Variants in SFXN4 observed in about 807,000 individuals in gnomAD.
SFXN4 encodes sideroflexin-4.
In SFXN4, 48 loss-of-function variants were observed where a neutral mutation model predicts 54.6. The observed-to-expected ratio is 0.88, with a 90% CI of 0.70 to 1.12. The LOEUF is 1.12. Among genes scored for constraint, SFXN4 ranks in the 50% most tolerant of loss-of-function variants. The pLI is 0.00. For missense variants in SFXN4, 383 were observed against 409.2 expected, an observed-to-expected ratio of 0.94 and a Z score of 0.55; for synonymous variants, 130 against 145.5, an observed-to-expected ratio of 0.89 and a Z score of 0.77.
intron 11 of SFXN4, among the ~76,000 whole-genome samples, chr10:119,152,782 T>C (rs1847122725): frequency 6.6e-6 from 1 of 152,066 alleles, no homozygotes. Context: ...TATTTACCGA[T>C]GGAATGAACA....
At chr10:119,159,859 G>A (rs1847445469) in intron 5 of SFXN4, 106 bp from the exon 6 acceptor site, 2 of 1,208,310 alleles carry the variant, frequency 1.7e-6, no homozygotes, top group Non-Finnish European at 2.5e-6. Flanking sequence ...CTTCCAGAAG[G>A]CACAGACCTC....
intron 11 of SFXN4, among the ~76,000 whole-genome samples, chr10:119,150,784 G>A (rs1847035182): frequency 6.6e-6 from 1 of 152,146 alleles, no homozygotes; most frequent in African/African-American, 2.4e-5. Flanking sequence ...ATGGAGTTGT[G>A]GAGAAATACA....
At chr10:119,156,606 G>A in intron 10 of SFXN4, 72 bp downstream of exon 10, 1 of 1,204,004 alleles carries the variant, frequency 8.3e-7, no homozygotes, top group Non-Finnish European at 1.2e-6. Flanking sequence ...AGGTGCCTCT[G>A]GAGATGAAGG....
intron 6 of SFXN4, among the ~76,000 whole-genome samples, chr10:119,158,952 C>T (rs925099559): frequency 4.6e-5 from 7 of 152,162 alleles, no homozygotes; most frequent in Admixed American, 4.6e-4. Context: ...CACTGCACTC[C>T]AGCCTGGGCA....
intron 2 of SFXN4, among the ~76,000 whole-genome samples, 199 bp downstream of exon 2, chr10:119,163,932 C>T (rs1390004213): frequency 3.3e-5 from 5 of 150,222 alleles, no homozygotes; most frequent in Non-Finnish European, 5.9e-5. Context: ...CCCAGCTACT[C>T]GGAAGGCTGA....
intron 13 of SFXN4, among the ~76,000 whole-genome samples, chr10:119,143,113 A>G (rs774998793): frequency 2.0e-5 from 3 of 151,194 alleles, no homozygotes; most frequent in Non-Finnish European, 4.4e-5. Context: ...TCCTGCCTCC[A>G]CTCTGGCCTC....
At chr10:119,151,918 G>T (rs1317354141) in intron 11 of SFXN4, among the ~76,000 whole-genome samples, 1 of 152,076 alleles carries the variant, frequency 6.6e-6, no homozygotes. Context: ...AGGCTCAGTT[G>T]ATCCTCTCAC....
chr10:119,142,942 C>G (rs1164579011), intron 13 of SFXN4, among the ~76,000 whole-genome samples: 1 of 151,810 alleles, frequency 6.6e-6, no homozygotes, highest in Non-Finnish European at 1.5e-5. Context: ...CTGTGTTAGC[C>G]AGGATGGTCT....
chr10:119,147,808 A>C lies in SFXN4; in HGVS notation c.785T>G (p.Leu262Arg), dbSNP rs967291372. 1 of 1,614,038 alleles carries C rather than the reference A, an allele frequency of 6.2e-7. No individual in the cohort carries two copies. The highest frequency in any genetic ancestry group is 1.3e-5 in the African/African-American group (1 of 74,938). Reference sequence around the variant, plus strand: ...AAAGTAGGTGAAGACTTCAGGAATCAGAGCTGAGGTCCCAAACAGCACTAT... The same window carrying C: ...AAAGTAGGTGAAGACTTCAGGAATCCGAGCTGAGGTCCCAAACAGCACTAT... ...SRIVLFGTSA[L>R]IPEVFTYFFK... is the part of the protein sequence containing the mutation. Residue 262 changes from leucine to arginine, a missense_variant, in exon 12 of 14, where the codon CTG becomes CGG. Transcript: ENST00000355697.
rs1564814749 is a variant in SFXN4 at position 119,146,463 on chromosome 10, A to ATGTGTGTGTG, written c.819-111_819-110insCACACACACA. The ATGTGTGTGTG allele has an allele frequency of 7.6e-6, 4 of 526,478 alleles. No individual in the cohort carries two copies. In the African/African-American group the frequency reaches 1.1e-4, roughly 14 times the overall value. 32.6% of individuals were successfully genotyped at this position (526,478 alleles called of 1,614,324 possible). A position where few individuals can be genotyped will look rare whatever the true frequency, so the allele number is the denominator to read the frequency against. ...TGTGTGTGTGTGTGTGTGTGTGTGC[A>ATGTGTGTGTG]CGTGTGTGTGTACCTGAACACCTGG... On this transcript the variant is annotated intron_variant, in intron 12 of 13. Transcript: ENST00000355697.
chr10:119,142,266 G>A (rs1179362624), intron 13 of SFXN4, among the ~76,000 whole-genome samples: 1 of 151,986 alleles, frequency 6.6e-6, no homozygotes, highest in East Asian at 1.9e-4. Context: ...TGCTCACTCA[G>A]GAATCACTAT....
At chr10:119,144,647 A>G (rs1414129383) in intron 13 of SFXN4, among the ~76,000 whole-genome samples, 1 of 152,194 alleles carries the variant, frequency 6.6e-6, no homozygotes, top group African/African-American at 2.4e-5. Flanking sequence ...AACAGATAAG[A>G]AAACTAAGCA....
In SFXN4 at chr10:119,165,575, T is replaced by C. The variant is rs1480484456; in HGVS notation, c.73A>G (p.Ile25Val). 1 of 1,593,488 alleles carries C rather than the reference T, an allele frequency of 6.3e-7. No individual in the cohort carries two copies. Among genetic ancestry groups the C allele is most frequent in the African/African-American group, 1.4e-5 (1 of 72,206 alleles). ...ATCCAGAAGCGCACGTTGGGCTCAATGAAGGCGGGGACGGCGTCTCTGCGT... is the reference window on the plus strand; with the variant it reads ...ATCCAGAAGCGCACGTTGGGCTCAACGAAGGCGGGGACGGCGTCTCTGCGT... ...LGRRDAVPAF[I>V]EPNVRFWITE... The change falls in exon 1 of 14, where the codon ATT (isoleucine) becomes GTT (valine). Residue 25 changes from isoleucine to valine, a missense_variant. By Grantham distance (29) the Ile-to-Val change is conservative (BLOSUM62 3). Coordinates refer to ENST00000355697, the MANE Select transcript of SFXN4 (RefSeq NM_213649.2).
At chr10:119,142,013 G>A (rs1846548238) in intron 13 of SFXN4, among the ~76,000 whole-genome samples, 1 of 151,978 alleles carries the variant, frequency 6.6e-6, no homozygotes, top group Non-Finnish European at 1.5e-5. Context: ...ATCAGCCTGG[G>A]CAATATAGTG....
At chr10:119,142,978 C>T (rs183744032) in intron 13 of SFXN4, among the ~76,000 whole-genome samples, 1,717 of 152,022 alleles carry the variant, frequency 0.011, 38 homozygotes, top group African/African-American at 0.039. Context: ...GTGATCCGCC[C>T]GCCTCGGCCT....
chr10:119,146,523 T>G (rs1331967187), intron 12 of SFXN4, among the ~76,000 whole-genome samples, 170 bp from the exon 13 acceptor site: 1 of 151,886 alleles, frequency 6.6e-6, no homozygotes. Flanking sequence ...TTGTTGTACC[T>G]GAACAGCTAG....
chr10:119,155,570 G>A (rs890023269), intron 10 of SFXN4, among the ~76,000 whole-genome samples: 2 of 152,000 alleles, frequency 1.3e-5, no homozygotes, highest in Non-Finnish European at 2.9e-5. Flanking sequence ...TCAGCTCACT[G>A]CAACCTCCGC....
In SFXN4 at chr10:119,154,925, A is replaced by C; in HGVS notation, c.732+137T>G. 3.2e-6 allele frequency: 2 copies of C among 625,620 alleles called. 1 individual carries two copies. Among genetic ancestry groups the C allele is most frequent in the South Asian group, 4.0e-5 (2 of 49,718 alleles). 38.8% of individuals were successfully genotyped at this position (625,620 alleles called of 1,614,324 possible). A position where few individuals can be genotyped will look rare whatever the true frequency, so the allele number is the denominator to read the frequency against. ...ATCTTATCAGGGGGCAAAATGAGAA[A>C]TTTCTCTCTCAGCATGCTAAGGAAA... On this transcript the variant is annotated intron_variant, in intron 11 of 13. Coordinates refer to ENST00000355697, the MANE Select transcript of SFXN4 (RefSeq NM_213649.2).
chr10:119,164,520 ATC>A (rs1342763815), intron 1 of SFXN4, among the ~76,000 whole-genome samples: 5 of 152,292 alleles, frequency 3.3e-5, no homozygotes, highest in Admixed American at 1.3e-4. Context: ...TTACGTTCAT[ATC>A]TCACATACGA....
Sources: allele counts gnomAD v4.1 joint callset (sites outside exome capture counted in the v4.1 genomes callset), GRCh38; gene constraint gnomAD v4.1.1; transcripts MANE v1.5; gene names NCBI Gene and HGNC (gene_info 2026-07-23, HGNC 2026-07-21).